GDE1: variants seen among roughly 807,000 people sequenced by gnomAD.
The protein encoded by GDE1 is RGS16-interacting membrane protein.
GDE1 carries 24 observed loss-of-function variants against 32.2 expected under a neutral mutation model. The observed-to-expected ratio is 0.75, with a 90% CI of 0.54 to 1.05. The LOEUF (loss-of-function observed/expected upper bound fraction) is 1.05. Ranked by LOEUF, GDE1 falls within the 50% of genes least tolerant of loss-of-function variation. The pLI, the probability that GDE1 is intolerant of heterozygous loss-of-function variation, is 0.00. For synonymous variants in GDE1, 159 were observed against 158.6 expected, an observed-to-expected ratio of 1.00 and a Z score of -0.02; for missense variants, 380 against 415.0, an observed-to-expected ratio of 0.92 and a Z score of 0.73.
chr16:19,517,317 C>T, intron 1 of GDE1, 128 bp from the exon 2 acceptor site: 6 of 692,636 alleles, frequency 8.7e-6, no homozygotes, highest in South Asian at 5.3e-5. Context: ...TCCACTTCCC[C>T]CACCAAACAG....
rs766929737 is a variant in GDE1 at position 19,521,881 on chromosome 16, C to T, written c.84G>A (p.Pro28=). 18 of 1,603,218 alleles carry T rather than the reference C, an allele frequency of 1.1e-5. No homozygotes were observed. In the South Asian group the frequency reaches 1.3e-4, roughly 12 times the overall value. ...LLVLLLVTRS[P]VNACLLTGSL... The stretch of plus-strand genomic sequence containing the variant: ...TGCCGGTGAGGAGGCAGGCATTGAC[C>T]GGGCTCCGCGTCACCAGCAGCAGCA... Residue 28 remains proline (P), a synonymous_variant, in exon 1 of 6, where the codon CCG becomes CCA. Coordinates refer to ENST00000353258, the MANE Select transcript of GDE1 (RefSeq NM_016641.4).
chr16:19,509,382 T>C (rs971334584), intron 3 of GDE1, among the ~76,000 whole-genome samples: 1 of 152,140 alleles, frequency 6.6e-6, no homozygotes, highest in Non-Finnish European at 1.5e-5. Context: ...AAATGTGGGC[T>C]GCAACATCAA....
In GDE1 at chr16:19,505,028, G is replaced by C; in HGVS notation, c.701C>G (p.Thr234Arg). The C allele has an allele frequency of 6.2e-7, 1 of 1,612,902 alleles. No homozygotes were observed. The highest frequency in any genetic ancestry group is 8.5e-7 in the Non-Finnish European group (1 of 1,178,870). ...ATCATAGCGTGGTTTCCCATCTCCTGTATGGCTTAGGCTCCAAGGTCTGTG... is the reference window on the plus strand; with the variant it reads ...ATCATAGCGTGGTTTCCCATCTCCTCTATGGCTTAGGCTCCAAGGTCTGTG... ...LTHRPWSLSH[T>R]GDGKPRYDTF... Residue 234 changes from threonine to arginine, a missense_variant, in exon 5 of 6, where the codon ACA becomes AGA. Physicochemically the swap from Thr to Arg is moderately conservative, Grantham distance 71. Coordinates refer to ENST00000353258, the MANE Select transcript of GDE1 (RefSeq NM_016641.4).
chr16:19,515,428 T>C (rs1441703820), intron 2 of GDE1, among the ~76,000 whole-genome samples: 2 of 152,128 alleles, frequency 1.3e-5, no homozygotes, highest in Admixed American at 6.5e-5. Flanking sequence ...TTTTTGAAAA[T>C]CACAATTTTT....
Position 19,517,999 on chromosome 16 carries a change from C to T in GDE1, c.262-810G>A, listed in dbSNP as rs946970958. Among the ~76,000 whole-genome samples the T allele has an allele frequency of 3.9e-5, 6 of 152,054 alleles. No homozygotes were observed. In the East Asian group the frequency reaches 1.2e-3, roughly 29 times the overall value. On this transcript the variant is annotated intron_variant, in intron 1 of 5. Transcript: ENST00000353258. ...GCCTCCTGGGTTCAAGCCATCCTCC[C>T]ACCTCAGTCTCCCAAGTAGCCGGGA...
rs1969263010 is a variant in GDE1 at position 19,507,516 on chromosome 16, T to G, written c.636+171A>C. On this transcript the variant is annotated intron_variant, in intron 4 of 5. Transcript: ENST00000353258. ...AGGAATAATGGCATTCTGTAAGGGG[T>G]ATGAGTACATTCCCCTTCTGGAATT... 9 of 577,958 alleles carry G rather than the reference T, an allele frequency of 1.6e-5. No individual in the cohort carries two copies. The Admixed American group carries it at 2.7e-4, about 17-fold the overall frequency. 35.8% of individuals were successfully genotyped at this position (577,958 alleles called of 1,614,324 possible).
rs771965213 is a variant in GDE1, at chr16:19,507,800, T to C, written c.544-21A>G. On this transcript the variant is annotated intron_variant, in intron 3 of 5. Coordinates refer to ENST00000353258, the MANE Select transcript of GDE1 (RefSeq NM_016641.4). ...GTAGCCTGTAAAATAAAGAGATTCA[T>C]ATATTTAAAATTGATTAAAATGTGA... is the stretch of plus-strand genomic sequence containing the variant. The C allele has an allele frequency of 2.6e-6, 3 of 1,138,796 alleles. No individual in the cohort carries two copies. In the Admixed American group the frequency reaches 5.5e-5, roughly 21 times the overall value. 70.5% of individuals were successfully genotyped at this position (1,138,796 alleles called of 1,614,324 possible).
In GDE1 at chr16:19,502,076, G is replaced by A. The variant is rs1597229171; in HGVS notation, c.*1394C>T. 1 of 152,122 alleles carries A rather than the reference G, an allele frequency of 6.6e-6. No homozygotes were observed. Among genetic ancestry groups the A allele is most frequent in the Non-Finnish European group, 1.5e-5 (1 of 68,026 alleles). The allele number at this position is 152,122 out of a possible 1,614,324, so 9.4% of individuals were successfully genotyped here. ...ATGTAAGTTCACAATAAAATCCCTG[G>A]AAGTTCAAATTGGAAAGAGCAGTTT... On this transcript the variant is annotated 3_prime_UTR_variant, in exon 6 of 6. Transcript: ENST00000353258.
chr16:19,512,793 A>G (rs576228589), intron 2 of GDE1, among the ~76,000 whole-genome samples: 1 of 152,258 alleles, frequency 6.6e-6, no homozygotes, highest in South Asian at 2.1e-4. Flanking sequence ...CAGTTTACCC[A>G]GTACCAGTTA....
rs143264388 is a variant in GDE1 at position 19,502,509 on chromosome 16, T to A, written c.*961A>T. ...CTCAAGTGATCCTCCCACCTCAACC[T>A]CCTGAGTAGCTGGGAATACAGGCAT... On this transcript the variant is annotated 3_prime_UTR_variant, in exon 6 of 6. Coordinates refer to ENST00000353258, the MANE Select transcript of GDE1 (RefSeq NM_016641.4). 1 of 148,712 alleles carries A rather than the reference T, an allele frequency of 6.7e-6. No homozygotes were observed. The highest frequency in any genetic ancestry group is 2.5e-5 in the African/African-American group (1 of 40,578). 9.2% of individuals were successfully genotyped at this position (148,712 alleles called of 1,614,324 possible).
chr16:19,507,477 A>G (rs867185720), intron 4 of GDE1, among the ~76,000 whole-genome samples: 13 of 152,218 alleles, frequency 8.5e-5, no homozygotes, highest in Non-Finnish European at 1.6e-4. Flanking sequence ...ACAACATAAA[A>G]GAAGGGGCAA....
chr16:19,509,329 G>T (rs987934931), intron 3 of GDE1, among the ~76,000 whole-genome samples: 2 of 152,060 alleles, frequency 1.3e-5, no homozygotes, highest in Non-Finnish European at 2.9e-5. Context: ...AAGCATAAAA[G>T]TCAGTATACC....
intron 4 of GDE1, among the ~76,000 whole-genome samples, chr16:19,506,458 T>C (rs1322785401): frequency 2.0e-5 from 3 of 152,118 alleles, no homozygotes; most frequent in African/African-American, 7.2e-5. Context: ...GAGACCAGCC[T>C]GGCCAACATG....
chr16:19,517,678 C>T (rs1567339411), intron 1 of GDE1, among the ~76,000 whole-genome samples: 1 of 152,204 alleles, frequency 6.6e-6, no homozygotes, highest in African/African-American at 2.4e-5. Flanking sequence ...GCTTCTAGGA[C>T]ATATCACATT....
chr16:19,505,429 ATAAT>A (rs775134162), intron 4 of GDE1, among the ~76,000 whole-genome samples: 7 of 152,190 alleles, frequency 4.6e-5, no homozygotes, highest in South Asian at 2.1e-4. Flanking sequence ...CTGGCCAGAG[ATAAT>A]TAATTAGAAC....
Position 19,503,375 on chromosome 16 carries a change from A to T in GDE1, c.*95T>A. The T allele has an allele frequency of 9.1e-7, 1 of 1,104,674 alleles. No homozygotes were observed. Among genetic ancestry groups the T allele is most frequent in the Non-Finnish European group, 1.3e-6 (1 of 759,044 alleles). The allele number at this position is 1,104,674 out of a possible 1,614,324, so 68.4% of individuals were successfully genotyped here. ...CTATTGCATTTGTGTGAGTCACCTGATTCCCCAGGGCCTGGGCTAGCACAA... is the reference window on the plus strand; with the variant it reads ...CTATTGCATTTGTGTGAGTCACCTGTTTCCCCAGGGCCTGGGCTAGCACAA... On this transcript the variant is annotated 3_prime_UTR_variant, in exon 6 of 6. Transcript: ENST00000353258.
intron 4 of GDE1, 155 bp downstream of exon 4, chr16:19,507,532 T>C (rs1597232298): frequency 1.7e-6 from 1 of 600,834 alleles, no homozygotes; most frequent in East Asian, 2.8e-5. Flanking sequence ...TACATTCCCC[T>C]TCTGGAATTT....
At chr16:19,521,605 G>A in intron 1 of GDE1, 99 bp downstream of exon 1, 2 of 1,356,798 alleles carry the variant, frequency 1.5e-6, no homozygotes, top group South Asian at 1.4e-5. Flanking sequence ...GAATGAGGAA[G>A]TGGGAAGGCC....
intron 2 of GDE1, among the ~76,000 whole-genome samples, chr16:19,514,836 G>A (rs1969360467): frequency 6.6e-6 from 1 of 152,112 alleles, no homozygotes; most frequent in South Asian, 2.1e-4. Flanking sequence ...GGAAGCTGAG[G>A]CAGGCAGATC....
Sources: gnomAD v4.1 joint callset for allele counts (sites outside exome capture counted in the v4.1 genomes callset) on GRCh38, gnomAD v4.1.1 for gene constraint, MANE v1.5 for transcripts, NCBI Gene and HGNC (gene_info 2026-07-23, HGNC 2026-07-21) for gene names.